The following DLG2 variants were observed in gnomAD, a reference collection of about 807,000 sequenced individuals.
DLG2 encodes the protein discs large MAGUK scaffold protein 2, also known as disks large homolog 2.
Under a neutral mutation model 132.5 loss-of-function variants are expected in DLG2, and 45 were observed. That is an observed-to-expected ratio of 0.34 (90% CI 0.27 to 0.44). The LOEUF is 0.44. Ranked by LOEUF, DLG2 falls within the 20% of genes least tolerant of loss-of-function variation. The pLI is 1.00. For missense variants in DLG2, 1,045 were observed against 1,196.9 expected, an observed-to-expected ratio of 0.87 and a Z score of 1.87; for synonymous variants, 424 against 419.6, an observed-to-expected ratio of 1.01 and a Z score of -0.13.
At chr11:84,762,060 T>C (rs1201479137) in intron 6 of DLG2, 1 of 151,136 alleles carries the variant, frequency 6.6e-6, no homozygotes, top group Non-Finnish European at 1.5e-5. Context: ...CTGGGTTTGT[T>C]ACTTTGAACC....
intron 6 of DLG2, among the ~76,000 whole-genome samples, chr11:84,826,763 T>TCTG (rs1205631492): frequency 2.0e-5 from 3 of 151,758 alleles, no homozygotes; most frequent in Non-Finnish European, 2.9e-5. Flanking sequence ...CAGGACAACC[T>TCTG]CTGCTGCTGC....
At chr11:84,515,475 AT>A (rs201245269) in intron 7 of DLG2, among the ~76,000 whole-genome samples, 2,357 of 152,030 alleles carry the variant, frequency 0.016, 60 homozygotes, top group African/African-American at 0.054. Context: ...AAGTAAAAAA[AT>A]CATAAAAAGA....
chr11:83,671,834 C>T (rs2153576136), intron 18 of DLG2, among the ~76,000 whole-genome samples: 1 of 152,254 alleles, frequency 6.6e-6, no homozygotes, highest in Non-Finnish European at 1.5e-5. Context: ...AACTTTTCAC[C>T]ACATATATAA....
At chr11:85,240,475 TA>T (rs894986189) in intron 4 of DLG2, among the ~76,000 whole-genome samples, 8 of 151,762 alleles carry the variant, frequency 5.3e-5, no homozygotes, top group East Asian at 3.9e-4. Context: ...TTTTTATATT[TA>T]AAAAAAATCA....
chr11:83,847,041 A>G (rs754279559), intron 16 of DLG2, among the ~76,000 whole-genome samples: 3 of 152,050 alleles, frequency 2.0e-5, no homozygotes, highest in Non-Finnish European at 4.4e-5. Context: ...ATCCATAATA[A>G]CAACAATTTG....
At chr11:85,440,467 A>G (rs117562470) in intron 3 of DLG2, among the ~76,000 whole-genome samples, 129 of 152,292 alleles carry the variant, frequency 8.5e-4, no homozygotes, top group Non-Finnish European at 1.4e-3. Flanking sequence ...TAAGGCTGTC[A>G]CCTGTCACTT....
At chr11:83,684,688 C>A (rs961290479) in intron 18 of DLG2, among the ~76,000 whole-genome samples, 1 of 152,066 alleles carries the variant, frequency 6.6e-6, no homozygotes, top group South Asian at 2.1e-4. Context: ...AAGTAGGTAT[C>A]CACTTATTAT....
At chr11:84,242,338 T>C (rs1441319146) in intron 8 of DLG2, among the ~76,000 whole-genome samples, 1 of 152,132 alleles carries the variant, frequency 6.6e-6, no homozygotes, top group African/African-American at 2.4e-5. Flanking sequence ...GGTCAGGTCT[T>C]CTGTTGGTTT....
At chr11:84,631,018 T>TCTCTCTCACA (rs1217703556) in intron 6 of DLG2, among the ~76,000 whole-genome samples, 5 of 94,260 alleles carry the variant, frequency 5.3e-5, no homozygotes, top group African/African-American at 9.1e-5. Flanking sequence ...TCTCTCTCTC[T>TCTCTCTCACA]CACACACACA....
chr11:84,269,610 T>C (rs1007026803), intron 7 of DLG2, among the ~76,000 whole-genome samples: 6 of 152,246 alleles, frequency 3.9e-5, no homozygotes, highest in Non-Finnish European at 8.8e-5. Flanking sequence ...TCCTGATTTA[T>C]ACACGTTTAT....
intron 6 of DLG2, among the ~76,000 whole-genome samples, chr11:84,696,537 T>A (rs2058631539): frequency 6.6e-6 from 1 of 151,402 alleles, no homozygotes; most frequent in African/African-American, 2.4e-5. Context: ...GTGAGCAGTA[T>A]ATGCCATGGA....
At chr11:84,088,098 T>C (rs575340540) in intron 10 of DLG2, among the ~76,000 whole-genome samples, 18 of 152,184 alleles carry the variant, frequency 1.2e-4, no homozygotes, top group Non-Finnish European at 1.8e-4. Context: ...AACTTCTTGA[T>C]AGTGTCCTTT....
chr11:84,131,065 T>C (rs1255680087), intron 9 of DLG2, among the ~76,000 whole-genome samples: 1 of 152,038 alleles, frequency 6.6e-6, no homozygotes, highest in Non-Finnish European at 1.5e-5. Flanking sequence ...CCAATAGTGA[T>C]AGCCAGGGTG....
intron 6 of DLG2, among the ~76,000 whole-genome samples, chr11:85,024,738 C>T (rs541872402): frequency 9.1e-4 from 139 of 152,312 alleles, no homozygotes; most frequent in Non-Finnish European, 1.7e-3. Context: ...ACGTACTCCC[C>T]TTGGAATTCT....
intron 6 of DLG2, among the ~76,000 whole-genome samples, chr11:84,539,540 T>C (rs1454658898): frequency 1.3e-5 from 2 of 152,194 alleles, no homozygotes; most frequent in African/African-American, 2.4e-5. Flanking sequence ...TCTTTTTCTC[T>C]CCTCAGCTTG....
chr11:84,977,516 C>A (rs1300726125), intron 6 of DLG2, among the ~76,000 whole-genome samples: 1 of 152,090 alleles, frequency 6.6e-6, no homozygotes, highest in Non-Finnish European at 1.5e-5. Flanking sequence ...TAACTGATAC[C>A]CTTATGCCCT....
intron 18 of DLG2, among the ~76,000 whole-genome samples, chr11:83,724,476 T>TGTGTGTGTGA (rs762050933): frequency 3.4e-5 from 4 of 118,230 alleles, no homozygotes; most frequent in Middle Eastern, 9.6e-3. Flanking sequence ...TGTGTGTGTG[T>TGTGTGTGTGA]GAGAGAGAGA....
chr11:85,196,221 T>G (rs1283147586), intron 4 of DLG2, among the ~76,000 whole-genome samples: 2 of 152,228 alleles, frequency 1.3e-5, no homozygotes, highest in African/African-American at 4.8e-5. Context: ...TCAAAATTTC[T>G]TTAACACCAA....
intron 6 of DLG2, among the ~76,000 whole-genome samples, chr11:84,814,569 C>A (rs915772950): frequency 1.3e-5 from 2 of 152,060 alleles, no homozygotes; most frequent in African/African-American, 4.8e-5. Flanking sequence ...CCCTCCACAG[C>A]CTTCATACTC....
Sources: gnomAD v4.1 joint callset for allele counts (sites outside exome capture counted in the v4.1 genomes callset) on GRCh38, gnomAD v4.1.1 for gene constraint, MANE v1.5 for transcripts, NCBI Gene and HGNC (gene_info 2026-07-23, HGNC 2026-07-21) for gene names.